The following PDE1A variants were observed in gnomAD, a reference collection of about 807,000 sequenced individuals.
The protein encoded by PDE1A is phosphodiesterase 1A.
Under a neutral mutation model 61.7 loss-of-function variants are expected in PDE1A, and 35 were observed. That is an observed-to-expected ratio of 0.57 (90% CI 0.43 to 0.75). The LOEUF (loss-of-function observed/expected upper bound fraction) is 0.75, where lower values mean the gene tolerates loss of function less well. Ranked by LOEUF, PDE1A falls within the 30% of genes least tolerant of loss-of-function variation. The pLI is 0.00. For missense variants in PDE1A, 597 were observed against 630.6 expected, an observed-to-expected ratio of 0.95 and a Z score of 0.57; for synonymous variants, 232 against 213.2, an observed-to-expected ratio of 1.09 and a Z score of -0.77.
At chr2:182,354,060 A>C (rs1006291491) in intron 1 of PDE1A, among the ~76,000 whole-genome samples, 1 of 152,250 alleles carries the variant, frequency 6.6e-6, no homozygotes, top group Admixed American at 6.5e-5. Flanking sequence ...CTGAATACAT[A>C]AAGTATTCAC....
At chr2:182,256,038 C>CTTTTTTTTTTTTTTTTTTTCTTTTT (rs1691762728) in intron 2 of PDE1A, among the ~76,000 whole-genome samples, 2 of 92,336 alleles carry the variant, frequency 2.2e-5, no homozygotes, top group Non-Finnish European at 4.2e-5. Flanking sequence ...AGGATGACTT[C>CTTTTTTTTTTTTTTTTTTTCTTTTT]TTTTTTTTTT....
chr2:182,353,168 A>G (rs1698986689), intron 1 of PDE1A, among the ~76,000 whole-genome samples: 1 of 152,220 alleles, frequency 6.6e-6, no homozygotes, highest in South Asian at 2.1e-4. Flanking sequence ...CAGGCCCAGT[A>G]AGTGAAATTA....
the PDE1A span, among the ~76,000 whole-genome samples, chr2:182,599,149 A>G: frequency 6.6e-6 from 1 of 152,126 alleles, no homozygotes; most frequent in African/African-American, 2.4e-5. Context: ...GGAGCCCAGG[A>G]AGGCCCCCCC....
intron 1 of PDE1A, among the ~76,000 whole-genome samples, chr2:182,413,938 A>G (rs147255168): frequency 2.1e-3 from 316 of 152,294 alleles, no homozygotes; most frequent in African/African-American, 7.1e-3. Flanking sequence ...TATTGTTATT[A>G]TACATGCATT....
intron 1 of PDE1A, among the ~76,000 whole-genome samples, chr2:182,391,924 A>AAT (rs1701445672): frequency 6.6e-6 from 1 of 152,232 alleles, no homozygotes; most frequent in South Asian, 2.1e-4. Flanking sequence ...TAATTATAAA[A>AAT]ATAGGGAATC....
chr2:182,629,691 T>C, the PDE1A span, among the ~76,000 whole-genome samples: 1 of 152,188 alleles, frequency 6.6e-6, no homozygotes, highest in East Asian at 1.9e-4. Flanking sequence ...CCAGTTCTTA[T>C]AATCAACATT....
intron 13 of PDE1A, among the ~76,000 whole-genome samples, chr2:182,177,417 G>T (rs1165453942): frequency 6.6e-6 from 1 of 151,862 alleles, no homozygotes; most frequent in East Asian, 1.9e-4. Context: ...AGTCTTGGGA[G>T]AGTGTATGTG....
At chr2:182,437,452 T>C (rs372990350) in intron 2 of PDE1A, among the ~76,000 whole-genome samples, 11 of 151,930 alleles carry the variant, frequency 7.2e-5, no homozygotes, top group African/African-American at 2.7e-4. Context: ...GCTCCATTCA[T>C]AGACTTGTAA....
chr2:182,681,076 G>A, the PDE1A span, among the ~76,000 whole-genome samples: 8 of 151,914 alleles, frequency 5.3e-5, no homozygotes, highest in Admixed American at 6.6e-5. Flanking sequence ...TACTTTTGGT[G>A]CCTCTTCCTT....
the PDE1A span, among the ~76,000 whole-genome samples, chr2:182,639,154 G>A: frequency 5.9e-5 from 9 of 152,108 alleles, no homozygotes; most frequent in African/African-American, 2.2e-4. Flanking sequence ...ACTTAATAAA[G>A]CAATTGCTCT....
intron 2 of PDE1A, among the ~76,000 whole-genome samples, chr2:182,499,047 G>A (rs1311538774): frequency 1.3e-5 from 2 of 151,726 alleles, no homozygotes; most frequent in Admixed American, 6.6e-5. Flanking sequence ...GAGTGCAACG[G>A]TGCAATCTCA....
chr2:182,169,343 C>G (rs1691913478), intron 13 of PDE1A, among the ~76,000 whole-genome samples: 1 of 151,794 alleles, frequency 6.6e-6, no homozygotes, highest in Non-Finnish European at 1.5e-5. Context: ...TAAGAATTAG[C>G]TATATTTATT....
intron 1 of PDE1A, among the ~76,000 whole-genome samples, chr2:182,350,743 C>T (rs886954241): frequency 1.3e-5 from 2 of 152,140 alleles, no homozygotes; most frequent in East Asian, 1.9e-4. Flanking sequence ...GACTTCTCAT[C>T]TGTAGAGTGG....
chr2:182,695,678 AAAAAAAAG>A, the PDE1A span, among the ~76,000 whole-genome samples: 143 of 92,314 alleles, frequency 1.5e-3, no homozygotes, highest in Middle Eastern at 0.014. Flanking sequence ...AAAAAAAAAA[AAAAAAAAG>A]AAAAAGAAAA....
chr2:182,297,609 T>C (rs1264278512), intron 1 of PDE1A, among the ~76,000 whole-genome samples: 2 of 152,218 alleles, frequency 1.3e-5, no homozygotes, highest in Non-Finnish European at 2.9e-5. Context: ...ACGTTAGATG[T>C]CACTTATAAA....
chr2:182,572,927 C>A, the PDE1A span, among the ~76,000 whole-genome samples: 1 of 148,516 alleles, frequency 6.7e-6, no homozygotes, highest in East Asian at 2.0e-4. Context: ...CTAGAGGAGA[C>A]AACAGTGCCC....
intron 1 of PDE1A, among the ~76,000 whole-genome samples, chr2:182,405,797 G>A (rs1702265779): frequency 6.6e-6 from 1 of 152,092 alleles, no homozygotes; most frequent in Non-Finnish European, 1.5e-5. Context: ...ATAAGTATTT[G>A]AGGTGATGGA....
chr2:182,267,407 C>G (rs545256463), intron 1 of PDE1A, among the ~76,000 whole-genome samples: 1 of 145,910 alleles, frequency 6.9e-6, no homozygotes, highest in East Asian at 2.0e-4. Context: ...CTCAGTAAAA[C>G]CATATCCCCT....
rs371602535 is a variant in PDE1A, at chr2:182,384,301, GT to G, written c.53+42276del. Among the ~76,000 whole-genome samples, 694 of 152,230 alleles carry G rather than the reference GT, an allele frequency of 4.6e-3. 5 individuals are homozygous for G. The highest frequency in any genetic ancestry group is 0.029 in the South Asian group (138 of 4,832). ...ATCAAACAGACAAAATGAGGTTCCA[GT>G]GATTGACCCTAAAAAATGAAATATA... On this transcript the variant is annotated intron_variant, in intron 1 of 13. Coordinates refer to ENST00000351439, the Ensembl canonical transcript of PDE1A.
Sources: gnomAD v4.1 joint callset for allele counts (sites outside exome capture counted in the v4.1 genomes callset) on GRCh38, gnomAD v4.1.1 for gene constraint, MANE v1.5 for transcripts, NCBI Gene and HGNC (gene_info 2026-07-23, HGNC 2026-07-21) for gene names.